Variants in ACO2 observed in about 807,000 individuals in gnomAD.
ACO2 encodes the protein aconitate hydratase, mitochondrial.
Under a neutral mutation model 84.5 loss-of-function variants are expected in ACO2, and 31 were observed. The observed-to-expected ratio is 0.37, with a 90% CI of 0.28 to 0.50. The LOEUF is 0.50. Ranked by LOEUF, ACO2 falls within the 20% of genes least tolerant of loss-of-function variation. The pLI, the probability that ACO2 is intolerant of heterozygous loss-of-function variation, is 0.97. For missense variants in ACO2, 685 were observed against 1,029.3 expected (o/e 0.67, Z 4.58); for synonymous variants, 414 against 412.7 (o/e 1.00, Z -0.04).
At chr22:41,525,379 C>T (rs762920287) in intron 14 of ACO2, 31 bp downstream of exon 14, 2 of 1,609,560 alleles carry the variant, frequency 1.2e-6, no homozygotes, top group Admixed American at 1.7e-5. Flanking sequence ...AGGACAGCCC[C>T]ACCCTGCCAG....
chr22:41,494,436 A>G, intron 1 of ACO2, among the ~76,000 whole-genome samples: 1 of 143,132 alleles, frequency 7.0e-6, no homozygotes, highest in South Asian at 2.2e-4. Flanking sequence ...TTTGAGTCAG[A>G]GTTTCGCTCT....
chr22:41,523,290 A>G lies in ACO2; in HGVS notation c.1370+12A>G. ...GGCCAGTGGGACAGGTAAGAGGCGT[A>G]TCTTTTGACAAGACAGCCCCTTGTG... On this transcript the variant is annotated intron_variant, in intron 11 of 17. Transcript: ENST00000216254. 6.3e-7 allele frequency: 1 copy of G among 1,596,276 alleles called. No individual in the cohort carries two copies. The highest frequency in any genetic ancestry group is 8.5e-7 in the Non-Finnish European group (1 of 1,169,972).
chr22:41,524,993 C>T (rs1012763640), intron 13 of ACO2, 25 bp downstream of exon 13: 1 of 1,614,096 alleles, frequency 6.2e-7, no homozygotes. Flanking sequence ...CCCCTGCTTG[C>T]TGGTTGCTGT....
Position 41,515,358 on chromosome 22 carries a change from A to G in ACO2, c.526-19A>G. 6.2e-7 allele frequency: 1 copy of G among 1,611,790 alleles called. No individual in the cohort carries two copies. The highest frequency in any genetic ancestry group is 8.5e-7 in the Non-Finnish European group (1 of 1,179,778). On this transcript the variant is annotated intron_variant, in intron 4 of 17. Coordinates refer to ENST00000216254, the MANE Select transcript of ACO2 (RefSeq NM_001098.3). The surrounding 1 kb of genome is among the most constrained non-coding windows in gnomAD (Gnocchi z 5.8). ...TCGGCTGAGGGCTTCTAAATATAAC[A>G]TCTTGGATTATTTTTCAGATTATTC...
At position 41,516,609 on chromosome 22, in the gene ACO2, C is replaced by T. The variant is rs536603187; in HGVS notation, c.835+692C>T. On this transcript the variant is annotated intron_variant, in intron 6 of 17. Transcript: ENST00000216254. The stretch of plus-strand genomic sequence containing the variant: ...CAGGACGTTGGTAACAGGCCCATAC[C>T]TCCGTCCTAGTGGCTCCTGAGGCAG... Among the ~76,000 whole-genome samples, 6 of 152,338 alleles carry T rather than the reference C, an allele frequency of 3.9e-5. No homozygotes were observed. The East Asian group carries it at 1.2e-3, about 29-fold the overall frequency.
chr22:41,523,997 G>T, intron 12 of ACO2, 56 bp downstream of exon 12: 1 of 1,505,924 alleles, frequency 6.6e-7, no homozygotes. Context: ...TCCCTGGCGG[G>T]TCAGAGGAGG....
At chr22:41,523,129 C>T in intron 10 of ACO2, 76 bp from the exon 11 acceptor site, 1 of 1,538,078 alleles carries the variant, frequency 6.5e-7, no homozygotes, top group East Asian at 2.3e-5. Flanking sequence ...GCACTTCGTC[C>T]TGCAGCCACC....
chr22:41,524,880 A>G lies in ACO2; in HGVS notation c.1517A>G (p.Lys506Arg), dbSNP rs1217750259. The G allele has an allele frequency of 7.4e-6, 12 of 1,614,102 alleles. No individual in the cohort carries two copies. Among genetic ancestry groups the G allele is most frequent in the Non-Finnish European group, 1.0e-5 (12 of 1,180,050 alleles). Reference protein sequence around the residue: ...VTALAIAGTLKFNPETDYLTG... With the variant: ...VTALAIAGTLRFNPETDYLTG... ...GCCCTGGCCATTGCGGGAACCCTCA[A>G]GTTCAACCCAGAGACCGACTACCTG... is the stretch of plus-strand genomic sequence containing the variant. Residue 506 changes from lysine to arginine, a missense_variant, in exon 13 of 18, where the codon AAG (lysine) becomes AGG (arginine). Physicochemically the swap from Lys to Arg is conservative, Grantham distance 26. Transcript: ENST00000216254.
At chr22:41,490,479 T>C (rs1026634151) in intron 1 of ACO2, among the ~76,000 whole-genome samples, 5 of 152,226 alleles carry the variant, frequency 3.3e-5, no homozygotes, top group Non-Finnish European at 7.3e-5. Context: ...CCATGGTGCA[T>C]GAGCCAGAAT....
intron 4 of ACO2, among the ~76,000 whole-genome samples, chr22:41,513,322 AC>A (rs1181324268): frequency 1.3e-5 from 2 of 151,766 alleles, no homozygotes; most frequent in African/African-American, 4.8e-5. Context: ...TGCTAAGCAT[AC>A]AGCAGCTCGT....
intron 1 of ACO2, among the ~76,000 whole-genome samples, chr22:41,483,882 G>C (rs1009613657): frequency 6.6e-6 from 1 of 152,108 alleles, no homozygotes; most frequent in Non-Finnish European, 1.5e-5. Context: ...GAGGAGGACA[G>C]GATATTCTAA....
intron 1 of ACO2, among the ~76,000 whole-genome samples, chr22:41,489,064 G>C (rs1263350732): frequency 6.6e-6 from 1 of 151,596 alleles, no homozygotes; most frequent in Non-Finnish European, 1.5e-5. Flanking sequence ...TTTGAGATAA[G>C]ATCTTGCTCT....
In ACO2 at chr22:41,522,523, C is replaced by T. The variant is rs558073998; in HGVS notation, c.1139-307C>T. On this transcript the variant is annotated intron_variant, in intron 9 of 17. Coordinates refer to ENST00000216254, the MANE Select transcript of ACO2 (RefSeq NM_001098.3). Reference sequence around the variant, plus strand: ...CCCCAGCCCATCAAGGATGGCTGTTCGTATGAGCCCTCTGACGTGCCTACA... The same window carrying T: ...CCCCAGCCCATCAAGGATGGCTGTTTGTATGAGCCCTCTGACGTGCCTACA... 3.9e-5 allele frequency among the ~76,000 whole-genome samples: 6 copies of T among 152,320 alleles called. No individual in the cohort carries two copies. In the South Asian group the frequency reaches 8.3e-4, roughly 21 times the overall value.
chr22:41,485,902 T>C (rs1323616566), intron 1 of ACO2, among the ~76,000 whole-genome samples: 1 of 152,136 alleles, frequency 6.6e-6, no homozygotes, highest in East Asian at 1.9e-4. Context: ...CTTTGTCTTT[T>C]ACACCCCAGC....
chr22:41,517,293 C>T (rs1432650755), intron 6 of ACO2: 1 of 502,970 alleles, frequency 2.0e-6, no homozygotes, highest in African/African-American at 1.9e-5. Flanking sequence ...TTCATTCTAC[C>T]CAGCAGCCAC....
chr22:41,480,216 TAGAC>T (rs1277553232), intron 1 of ACO2, among the ~76,000 whole-genome samples: 1 of 152,202 alleles, frequency 6.6e-6, no homozygotes, highest in Non-Finnish European at 1.5e-5. Context: ...GTTGCCCACT[TAGAC>T]AGAGTCCACC....
chr22:41,526,238 T>TG (rs747967278), intron 14 of ACO2, 24 bp from the exon 15 acceptor site: 31 of 1,604,528 alleles, frequency 1.9e-5, no homozygotes, highest in Non-Finnish European at 2.6e-5. Flanking sequence ...CCCTGACCTC[T>TG]GTCCTCTCTA....
intron 2 of ACO2, among the ~76,000 whole-genome samples, chr22:41,506,911 G>A (rs2146114515): frequency 6.6e-6 from 1 of 152,114 alleles, no homozygotes; most frequent in Admixed American, 6.5e-5. Flanking sequence ...GCTCTGTTGT[G>A]TGGGTGCAGC....
At chr22:41,483,379 G>A (rs1462730918) in intron 1 of ACO2, among the ~76,000 whole-genome samples, 2 of 152,188 alleles carry the variant, frequency 1.3e-5, no homozygotes, top group African/African-American at 4.8e-5. Context: ...AAATATGGCT[G>A]GGTGCAGTGG....
Sources: allele counts gnomAD v4.1 joint callset (sites outside exome capture counted in the v4.1 genomes callset), GRCh38; gene constraint gnomAD v4.1.1; non-coding constraint Gnocchi (gnomAD v3.1); transcripts MANE v1.5; gene names NCBI Gene and HGNC (gene_info 2026-07-23, HGNC 2026-07-21).